ZNF292: variants seen among roughly 807,000 people sequenced by gnomAD.
ZNF292 encodes the protein zinc finger protein 292.
A neutral mutation model predicts 217.9 loss-of-function variants in ZNF292; 26 were observed. That is an observed-to-expected ratio of 0.12 (90% CI 0.09 to 0.17). The LOEUF is 0.17. ZNF292 is among the 10% of genes least tolerant of loss of function. The pLI is 1.00. For synonymous variants in ZNF292, 1,257 were observed against 1,124.1 expected (o/e 1.12, Z -2.37); for missense variants, 2,904 against 3,175.2 (o/e 0.91, Z 2.05).
At chr6:87,220,723 A>G (rs1322697873) in intron 4 of ZNF292, among the ~76,000 whole-genome samples, 1 of 152,250 alleles carries the variant, frequency 6.6e-6, no homozygotes, top group African/African-American at 2.4e-5. Context: ...GAATGTGCCT[A>G]ACATTGTATC....
chr6:87,159,771 G>T (rs144202727), intron 1 of ZNF292, among the ~76,000 whole-genome samples: 2 of 151,998 alleles, frequency 1.3e-5, no homozygotes, highest in Admixed American at 6.6e-5. Flanking sequence ...GAGCCACCAC[G>T]CCCGGCCCTG....
rs765577436 is a variant in ZNF292, at chr6:87,260,465, A to G, written c.6836A>G (p.Asn2279Ser). The G allele has an allele frequency of 1.9e-6, 3 of 1,613,664 alleles. No individual in the cohort carries two copies. The highest frequency in any genetic ancestry group is 1.1e-5 in the South Asian group (1 of 91,068). The change falls in exon 8 of 8, where the codon AAT becomes AGT. Residue 2279 changes from asparagine (N) to serine (S), a missense_variant. Coordinates refer to ENST00000369577, the MANE Select transcript of ZNF292 (RefSeq NM_015021.3). ...TRSNLLRHIF[N>S]KHNDKHKAHL... Reference sequence around the variant, plus strand: ...TCGAATCTCCTCCGACACATTTTTAATAAGCATAATGACAAACATAAGGCT... The same window carrying G: ...TCGAATCTCCTCCGACACATTTTTAGTAAGCATAATGACAAACATAAGGCT...
chr6:87,231,509 A>G (rs867179336), intron 4 of ZNF292, among the ~76,000 whole-genome samples: 1 of 152,008 alleles, frequency 6.6e-6, no homozygotes, highest in Admixed American at 6.6e-5. Context: ...ATTTCCTTCT[A>G]CTCAAATATT....
intron 7 of ZNF292, among the ~76,000 whole-genome samples, chr6:87,252,787 A>G (rs1284646920): frequency 2.0e-5 from 3 of 152,212 alleles, no homozygotes; most frequent in African/African-American, 7.2e-5. Context: ...TTACTGTACA[A>G]GTTTTAAGGC....
intron 1 of ZNF292, among the ~76,000 whole-genome samples, chr6:87,167,637 A>T (rs1291120921): frequency 2.0e-5 from 3 of 152,158 alleles, no homozygotes; most frequent in Non-Finnish European, 4.4e-5. Flanking sequence ...ATGAAACGAA[A>T]CGCTGTCTTA....
chr6:87,188,326 G>GT (rs1257601608), intron 1 of ZNF292, among the ~76,000 whole-genome samples: 2 of 152,160 alleles, frequency 1.3e-5, no homozygotes. Context: ...AACTCAGGCT[G>GT]TTTTGATACC....
At chr6:87,206,943 G>A (rs1772274896) in intron 1 of ZNF292, among the ~76,000 whole-genome samples, 1 of 152,194 alleles carries the variant, frequency 6.6e-6, no homozygotes. Flanking sequence ...GCACCAGAAG[G>A]AAAGTGGGTG....
intron 1 of ZNF292, among the ~76,000 whole-genome samples, chr6:87,158,572 G>A (rs1770621101): frequency 6.6e-6 from 1 of 152,184 alleles, no homozygotes; most frequent in African/African-American, 2.4e-5. Flanking sequence ...TACTTACGAG[G>A]CTGAGGTGGG....
intron 4 of ZNF292, among the ~76,000 whole-genome samples, chr6:87,225,123 A>ACAT (rs1180318451): frequency 6.6e-6 from 1 of 152,166 alleles, no homozygotes; most frequent in Non-Finnish European, 1.5e-5. Flanking sequence ...ATGATTCTGA[A>ACAT]CATCTTTTCA....
chr6:87,250,064 ACTAT>A (rs1344464780), intron 7 of ZNF292, among the ~76,000 whole-genome samples: 1 of 151,260 alleles, frequency 6.6e-6, no homozygotes, highest in Non-Finnish European at 1.5e-5. Context: ...GGAATTGAAG[ACTAT>A]CAACCAGCTA....
intron 7 of ZNF292, 102 bp downstream of exon 7, chr6:87,245,746 A>G (rs1774544606): frequency 4.0e-6 from 3 of 751,172 alleles, no homozygotes; most frequent in Admixed American, 3.8e-5. Context: ...TGATTTTTAA[A>G]TTTTTTCAGT....
intron 1 of ZNF292, among the ~76,000 whole-genome samples, chr6:87,202,936 T>G (rs1772136688): frequency 6.6e-6 from 1 of 152,080 alleles, no homozygotes; most frequent in Admixed American, 6.6e-5. Flanking sequence ...CTATCTTAGG[T>G]ATATGTATAT....
At chr6:87,252,339 G>A (rs1562177683) in intron 7 of ZNF292, among the ~76,000 whole-genome samples, 1 of 151,976 alleles carries the variant, frequency 6.6e-6, no homozygotes, top group African/African-American at 2.4e-5. Context: ...TTTTGGTAGA[G>A]ACTGGGTTTC....
In ZNF292 at chr6:87,243,381, ACTAT is replaced by A. The variant is rs1415458704; in HGVS notation, c.742-90_742-87del. Reference sequence around the variant, plus strand: ...AATTAATGGCATTTTATTCATAAAAACTATCTAAATATTTAATGAAAACTAAAGG... The same window carrying A: ...AATTAATGGCATTTTATTCATAAAAACTAAATATTTAATGAAAACTAAAGG... On this transcript the variant is annotated intron_variant, in intron 5 of 7. Coordinates refer to ENST00000369577, the MANE Select transcript of ZNF292 (RefSeq NM_015021.3). The A allele has an allele frequency of 3.0e-5, 33 of 1,093,400 alleles. No homozygotes were observed. In the Admixed American group the frequency reaches 7.4e-4, roughly 24 times the overall value. The allele number at this position is 1,093,400 out of a possible 1,614,324, so 67.7% of individuals were successfully genotyped here.
chr6:87,235,487 A>G (rs1303294055), intron 5 of ZNF292, among the ~76,000 whole-genome samples: 1 of 152,106 alleles, frequency 6.6e-6, no homozygotes, highest in East Asian at 1.9e-4. Context: ...TCCTGTTAGG[A>G]AACTGACTAT....
rs775374854 is a variant in ZNF292 at position 87,259,945 on chromosome 6, A to C, written c.6316A>C (p.Thr2106Pro). ...AGTTTCCCAATCCCTTGAGTTTCCA[A>C]CAAGATACAGTCCTTACAGACCTTA... ...KPVSQSLEFP[T>P]RYSPYRPYRC... Residue 2106 changes from threonine to proline, a missense_variant, in exon 8 of 8, where the codon ACA (threonine) becomes CCA (proline). By Grantham distance (38) the Thr-to-Pro change is conservative. Transcript: ENST00000369577. 6.2e-7 allele frequency: 1 copy of C among 1,613,710 alleles called. No homozygotes were observed. Among genetic ancestry groups the C allele is most frequent in the Non-Finnish European group, 8.5e-7 (1 of 1,179,714 alleles).
chr6:87,184,640 TAGG>T (rs1771583179), intron 1 of ZNF292, among the ~76,000 whole-genome samples: 1 of 152,114 alleles, frequency 6.6e-6, no homozygotes. Flanking sequence ...AGAGATTTAT[TAGG>T]AGAATTCACA....
At chr6:87,226,663 A>C (rs1370121394) in intron 4 of ZNF292, among the ~76,000 whole-genome samples, 4 of 103,314 alleles carry the variant, frequency 3.9e-5, no homozygotes, top group Admixed American at 1.2e-4. Context: ...ATATATAGAT[A>C]TATAGATATA....
chr6:87,208,759 C>G (rs542672433), intron 1 of ZNF292, among the ~76,000 whole-genome samples: 2 of 152,208 alleles, frequency 1.3e-5, no homozygotes, highest in East Asian at 3.9e-4. Context: ...ATAAGGGGGT[C>G]TAGTTTGTTT....
Sources: allele counts gnomAD v4.1 joint callset (sites outside exome capture counted in the v4.1 genomes callset), GRCh38; gene constraint gnomAD v4.1.1; transcripts MANE v1.5; gene names NCBI Gene and HGNC (gene_info 2026-07-23, HGNC 2026-07-21).